Variants in DDA1 observed in about 807,000 individuals in gnomAD.
DDA1 encodes the protein DET1- and DDB1-associated protein 1.
DDA1 carries 3 observed loss-of-function variants against 18.6 expected under a neutral mutation model. That is an observed-to-expected ratio of 0.16 (90% CI 0.07 to 0.42). The LOEUF is 0.42. DDA1 is among the 10% of genes least tolerant of loss of function. DDA1 has a pLI of 0.99. For missense variants in DDA1, 105 were observed against 138.2 expected (o/e 0.76, Z 1.20); for synonymous variants, 52 against 54.0 (o/e 0.96, Z 0.17).
At chr19:17,310,021 A>G in intron 1 of DDA1, 1 of 265,520 alleles carries the variant, frequency 3.8e-6, no homozygotes, top group East Asian at 6.4e-5. Flanking sequence ...GTTCAGGAGA[A>G]TTTGGGAGGC....
intron 4 of DDA1, among the ~76,000 whole-genome samples, chr19:17,316,952 C>G (rs1003697760): frequency 6.6e-6 from 1 of 150,988 alleles, no homozygotes; most frequent in Admixed American, 6.6e-5. Context: ...CTCAGCTGGG[C>G]GTGGTGGCTC....
In DDA1 at chr19:17,315,340, T is replaced by C. The variant is rs1464041295; in HGVS notation, c.137-594T>C. Reference sequence around the variant, plus strand: ...CACGCTATATATATACACACGTATATATATACACGCTATATATATACGCTA... The same window carrying C: ...CACGCTATATATATACACACGTATACATATACACGCTATATATATACGCTA... On this transcript the variant is annotated intron_variant, in intron 3 of 4. Coordinates refer to ENST00000359866, the MANE Select transcript of DDA1 (RefSeq NM_024050.6). 4.3e-5 allele frequency among the ~76,000 whole-genome samples: 4 copies of C among 92,836 alleles called. 2 individuals are homozygous for C. The highest frequency in any genetic ancestry group is 7.0e-4 in the South Asian group (2 of 2,846). 60.9% of individuals were successfully genotyped at this position (92,836 alleles called of 152,430 possible).
intron 1 of DDA1, 95 bp downstream of exon 1, chr19:17,309,752 T>C (rs1324567705): frequency 6.7e-7 from 1 of 1,490,062 alleles, no homozygotes; most frequent in Non-Finnish European, 9.1e-7. Context: ...CCCCTCTCCG[T>C]TCTGCCCGGT....
rs1309302102 is a variant in DDA1, at chr19:17,315,315, C to CACACTATATAT, written c.137-617_137-616insACTATATATAC. Among the ~76,000 whole-genome samples, 2 of 53,524 alleles carry CACACTATATAT rather than the reference C, an allele frequency of 3.7e-5. 1 individual carries two copies. The highest frequency in any genetic ancestry group is 2.6e-4 in the Admixed American group (2 of 7,670). The allele number at this position is 53,524 out of a possible 152,430, so 35.1% of individuals were successfully genotyped here. A position where few individuals can be genotyped will look rare whatever the true frequency, so the allele number is the denominator to read the frequency against. On this transcript the variant is annotated intron_variant, in intron 3 of 4. Coordinates refer to ENST00000359866, the MANE Select transcript of DDA1 (RefSeq NM_024050.6). ...ATATATACACACGTGTATATATATA[C>CACACTATATAT]ACGCTATATATATACACACGTATAT...
Position 17,322,318 on chromosome 19 carries a change from G to A in DDA1, c.*2662G>A. On this transcript the variant is annotated 3_prime_UTR_variant, in exon 5 of 5. Coordinates refer to ENST00000359866, the MANE Select transcript of DDA1 (RefSeq NM_024050.6). The stretch of plus-strand genomic sequence containing the variant: ...GGTCTGTCGGGACATGCCCCACCTG[G>A]CACACACACCCTGTGTAGCTCCCAC... 1 of 153,854 alleles carries A rather than the reference G, an allele frequency of 6.5e-6. No individual in the cohort carries two copies. The highest frequency in any genetic ancestry group is 1.4e-5 in the Non-Finnish European group (1 of 69,036). 9.5% of individuals were successfully genotyped at this position (153,854 alleles called of 1,614,324 possible).
intron 1 of DDA1, among the ~76,000 whole-genome samples, chr19:17,313,186 C>T (rs1209846338): frequency 6.6e-6 from 1 of 152,080 alleles, no homozygotes; most frequent in African/African-American, 2.4e-5. Context: ...AGCTTGGCTT[C>T]TGAGGTGGGG....
intron 4 of DDA1, among the ~76,000 whole-genome samples, chr19:17,318,836 G>GTT (rs1055474705): frequency 2.1e-5 from 3 of 140,350 alleles, no homozygotes; most frequent in Admixed American, 7.1e-5. Context: ...TGGCAAGTTT[G>GTT]TTTTTTTTTT....
At chr19:17,313,466 A>G (rs1055719677) in intron 1 of DDA1, among the ~76,000 whole-genome samples, 2 of 121,912 alleles carry the variant, frequency 1.6e-5, no homozygotes, top group East Asian at 4.6e-4. Context: ...TTTTTGAGAC[A>G]GAGTCTGGTT....
chr19:17,311,393 G>A (rs1377575934), intron 1 of DDA1, among the ~76,000 whole-genome samples: 2 of 151,896 alleles, frequency 1.3e-5, no homozygotes, highest in Non-Finnish European at 2.9e-5. Flanking sequence ...CTGACCTTGT[G>A]ATCCACCCGC....
rs531612495 is a variant in DDA1 at position 17,310,502 on chromosome 19, C to T, written c.3+845C>T. On this transcript the variant is annotated intron_variant, in intron 1 of 4. Transcript: ENST00000359866. ...CTGAAAAGTGGGATGGTGACCCACC[C>T]TCAGAGTGGAACTAAAGCCTCTCCA... Among the ~76,000 whole-genome samples the T allele has an allele frequency of 1.6e-3, 244 of 152,148 alleles. 1 individual carries two copies. The highest frequency in any genetic ancestry group is 3.0e-3 in the Non-Finnish European group (206 of 68,028).
At position 17,315,944 on chromosome 19, in the gene DDA1, A is replaced by G. The variant is rs760735626; in HGVS notation, c.147A>G (p.Thr49=). 1 of 1,614,170 alleles carries G rather than the reference A, an allele frequency of 6.2e-7. No homozygotes were observed. The highest frequency in any genetic ancestry group is 8.5e-7 in the Non-Finnish European group (1 of 1,180,024). Residue 49 remains threonine, a synonymous_variant, in exon 4 of 5, where the codon ACA becomes ACG. Coordinates refer to ENST00000359866, the MANE Select transcript of DDA1 (RefSeq NM_024050.6). ...ATCTTTCCTCCTTAGTCATCGTGAC[A>G]GAAAAGACAAACATCCTCCTGCGCT... ...REYPSEQIIV[T]EKTNILLRYL...
intron 4 of DDA1, 95 bp downstream of exon 4, chr19:17,316,090 G>A (rs2074211589): frequency 7.1e-7 from 1 of 1,417,810 alleles, no homozygotes; most frequent in East Asian, 2.3e-5. Context: ...TCTAGTGATT[G>A]GAGCAGGGCC....
At chr19:17,315,704 TC>T (rs1376084252) in intron 3 of DDA1, 2 of 610,492 alleles carry the variant, frequency 3.3e-6, no homozygotes, top group Non-Finnish European at 5.9e-6. Flanking sequence ...CGGGGCTTGG[TC>T]CCCCACCAAG....
At chr19:17,309,777 C>T in intron 1 of DDA1, 120 bp downstream of exon 1, 1 of 1,291,394 alleles carries the variant, frequency 7.7e-7, no homozygotes, top group Non-Finnish European at 1.1e-6. Flanking sequence ...TCAGGTCCGG[C>T]CCGCCCCTCC....
Position 17,319,749 on chromosome 19 carries a change from C to T in DDA1, c.*93C>T. On this transcript the variant is annotated 3_prime_UTR_variant, in exon 5 of 5. Transcript: ENST00000359866. ...GTGTAAGCACCCCGCCCGCCCGCCT[C>T]CCTGCCGGCCCATCCACACCCTGCG... 9.1e-7 allele frequency: 1 copy of T among 1,094,430 alleles called. No homozygotes were observed. The highest frequency in any genetic ancestry group is 1.6e-5 in the African/African-American group (1 of 64,470). 67.8% of individuals were successfully genotyped at this position (1,094,430 alleles called of 1,614,324 possible). A position where few individuals can be genotyped will look rare whatever the true frequency, so the allele number is the denominator to read the frequency against.
Position 17,320,371 on chromosome 19 carries a change from G to C in DDA1, c.*715G>C, listed in dbSNP as rs2074234334. The C allele has an allele frequency of 6.6e-6, 1 of 152,268 alleles. No individual in the cohort carries two copies. The highest frequency in any genetic ancestry group is 2.4e-5 in the African/African-American group (1 of 41,448). The allele number at this position is 152,268 out of a possible 1,614,324, so 9.4% of individuals were successfully genotyped here. On this transcript the variant is annotated 3_prime_UTR_variant, in exon 5 of 5. Transcript: ENST00000359866. ...GAGTCATCCCTGTTGTCACCAAGAG[G>C]AGTGAGAAGGGCCCCCCACGCCAGG...
chr19:17,311,661 G>A (rs2074179603), intron 1 of DDA1, among the ~76,000 whole-genome samples: 1 of 152,172 alleles, frequency 6.6e-6, no homozygotes. Context: ...TGCTACCCCA[G>A]GGCCTTTACA....
At position 17,319,804 on chromosome 19, in the gene DDA1, G is replaced by A. The variant is rs943588787; in HGVS notation, c.*148G>A. 22 of 622,632 alleles carry A rather than the reference G, an allele frequency of 3.5e-5. No individual in the cohort carries two copies. The highest frequency in any genetic ancestry group is 6.0e-5 in the Admixed American group (2 of 33,594). The allele number at this position is 622,632 out of a possible 1,614,324, so 38.6% of individuals were successfully genotyped here. ...CACCACTTCCAACCTCATAGGAGCCGATGTATTTATTTTCCTTGAGTTTTT... is the reference window on the plus strand; with the variant it reads ...CACCACTTCCAACCTCATAGGAGCCAATGTATTTATTTTCCTTGAGTTTTT... On this transcript the variant is annotated 3_prime_UTR_variant, in exon 5 of 5. Transcript: ENST00000359866.
chr19:17,313,593 C>T (rs2074189183), intron 1 of DDA1, among the ~76,000 whole-genome samples: 1 of 152,022 alleles, frequency 6.6e-6, no homozygotes, highest in African/African-American at 2.4e-5. Context: ...TAGGCGCGCA[C>T]CACCACGCCC....
Sources: allele counts gnomAD v4.1 joint callset (sites outside exome capture counted in the v4.1 genomes callset), GRCh38; gene constraint gnomAD v4.1.1; transcripts MANE v1.5; gene names NCBI Gene and HGNC (gene_info 2026-07-23, HGNC 2026-07-21).